AGBL4: variants seen among roughly 807,000 people sequenced by gnomAD.
The protein encoded by AGBL4 is cytosolic carboxypeptidase 6.
AGBL4 carries 58 observed loss-of-function variants against 66.4 expected under a neutral mutation model. The ratio of observed to expected loss-of-function variants is 0.87; its 90% CI spans 0.71 to 1.09. The LOEUF is 1.09. Among genes scored for constraint, AGBL4 ranks in the 50% least tolerant of loss-of-function variants. The pLI, the probability that AGBL4 is intolerant of heterozygous loss-of-function variation, is 0.00. For missense variants in AGBL4, 579 were observed against 631.0 expected, an observed-to-expected ratio of 0.92 and a Z score of 0.88; for synonymous variants, 234 against 222.9, an observed-to-expected ratio of 1.05 and a Z score of -0.44.
At chr1:49,345,048 C>T (rs1467002971) in intron 3 of AGBL4, among the ~76,000 whole-genome samples, 1 of 152,084 alleles carries the variant, frequency 6.6e-6, no homozygotes, top group Non-Finnish European at 1.5e-5. Flanking sequence ...CTTTTTCTGA[C>T]CTGATTAATC....
intron 5 of AGBL4, among the ~76,000 whole-genome samples, chr1:48,998,981 G>A (rs954959735): frequency 4.6e-5 from 7 of 152,184 alleles, no homozygotes; most frequent in Non-Finnish European, 8.8e-5. Context: ...CAGAACAGAT[G>A]CACAAGTAGG....
intron 6 of AGBL4, among the ~76,000 whole-genome samples, chr1:48,728,668 T>C (rs1173429272): frequency 2.0e-5 from 3 of 152,206 alleles, no homozygotes; most frequent in Admixed American, 1.3e-4. Flanking sequence ...CACATGCCTC[T>C]GGGGAAGACA....
At chr1:49,937,668 A>G (rs1001200783) in intron 1 of AGBL4, among the ~76,000 whole-genome samples, 2 of 152,262 alleles carry the variant, frequency 1.3e-5, no homozygotes, top group Admixed American at 1.3e-4. Context: ...ATCAAACTAG[A>G]ACGCAGGATT....
intron 6 of AGBL4, among the ~76,000 whole-genome samples, chr1:48,747,833 AT>A (rs1651006959): frequency 6.6e-6 from 1 of 152,110 alleles, no homozygotes; most frequent in South Asian, 2.1e-4. Context: ...GAAATCACCT[AT>A]TTTTTCAAAC....
intron 3 of AGBL4, among the ~76,000 whole-genome samples, chr1:49,362,253 C>G (rs558182976): frequency 6.6e-6 from 1 of 152,190 alleles, no homozygotes; most frequent in Admixed American, 6.5e-5. Flanking sequence ...GAACCCCACA[C>G]AACTAGTAGA....
chr1:49,934,897 G>A (rs373716492), intron 1 of AGBL4, among the ~76,000 whole-genome samples: 3 of 151,922 alleles, frequency 2.0e-5, no homozygotes, highest in Admixed American at 6.6e-5. Flanking sequence ...AGCTCCCAAC[G>A]TGAGCGATAC....
At chr1:49,373,401 T>C (rs1194229251) in intron 3 of AGBL4, among the ~76,000 whole-genome samples, 4 of 152,088 alleles carry the variant, frequency 2.6e-5, no homozygotes, top group Admixed American at 1.3e-4. Context: ...GCCCCTATAA[T>C]TTAAAACAAT....
chr1:48,875,066 T>C (rs4363465), intron 5 of AGBL4, among the ~76,000 whole-genome samples: 148,713 of 152,306 alleles, frequency 0.98, 72,691 homozygotes, highest in East Asian at 1. Flanking sequence ...ATGTGCCAGG[T>C]ATCTTGCTGG....
intron 6 of AGBL4, among the ~76,000 whole-genome samples, chr1:48,821,573 C>CA (rs1646314110): frequency 6.6e-6 from 1 of 152,036 alleles, no homozygotes; most frequent in South Asian, 2.1e-4. Flanking sequence ...ATGAAAATAA[C>CA]AGACACTGGG....
chr1:49,427,096 A>G (rs1645677811), intron 3 of AGBL4, among the ~76,000 whole-genome samples: 1 of 152,146 alleles, frequency 6.6e-6, no homozygotes, highest in Non-Finnish European at 1.5e-5. Context: ...AGGAAAAAGG[A>G]TGTAACAACA....
chr1:49,493,905 AC>A (rs1647294320), intron 3 of AGBL4, among the ~76,000 whole-genome samples: 1 of 152,028 alleles, frequency 6.6e-6, no homozygotes, highest in Non-Finnish European at 1.5e-5. Flanking sequence ...GGGTTTGTAT[AC>A]ATGCTACCAC....
At chr1:48,961,512 T>TTC (rs1657975398) in intron 5 of AGBL4, among the ~76,000 whole-genome samples, 1 of 152,096 alleles carries the variant, frequency 6.6e-6, no homozygotes, top group Non-Finnish European at 1.5e-5. Flanking sequence ...AAACTGTGTG[T>TTC]TGGCGCAGAA....
chr1:49,644,039 C>T (rs1645836183), intron 3 of AGBL4, among the ~76,000 whole-genome samples: 1 of 151,308 alleles, frequency 6.6e-6, no homozygotes, highest in Admixed American at 6.6e-5. Context: ...GAATATATGA[C>T]AAAAATAGCA....
intron 9 of AGBL4, among the ~76,000 whole-genome samples, chr1:48,593,234 A>C (rs1030962584): frequency 5.3e-5 from 8 of 152,214 alleles, no homozygotes; most frequent in Non-Finnish European, 1.2e-4. Context: ...AAGTGGTAGC[A>C]CCATAAACAC....
chr1:49,443,414 T>A (rs1646080973), intron 3 of AGBL4, among the ~76,000 whole-genome samples: 1 of 152,120 alleles, frequency 6.6e-6, no homozygotes, highest in African/African-American at 2.4e-5. Context: ...TACTTTTAAG[T>A]CTTTAAGCAA....
At chr1:49,738,911 C>T (rs1261275416) in intron 2 of AGBL4, among the ~76,000 whole-genome samples, 3 of 152,124 alleles carry the variant, frequency 2.0e-5, no homozygotes, top group Non-Finnish European at 2.9e-5. Flanking sequence ...CTGTACGTCA[C>T]CATCATCAAA....
At chr1:48,716,861 G>T (rs1203498464) in intron 6 of AGBL4, among the ~76,000 whole-genome samples, 1 of 152,184 alleles carries the variant, frequency 6.6e-6, no homozygotes, top group African/African-American at 2.4e-5. Flanking sequence ...AACTGTCCCT[G>T]CCTTCAATAA....
chr1:48,757,009 TTTA>T (rs1184125045), intron 6 of AGBL4, among the ~76,000 whole-genome samples: 1 of 152,172 alleles, frequency 6.6e-6, no homozygotes, highest in Non-Finnish European at 1.5e-5. Flanking sequence ...TTCTACATGT[TTTA>T]GGACTAAAAG....
Position 48,622,552 on chromosome 1 carries a change from C to T in AGBL4, c.951+11941G>A, listed in dbSNP as rs111405267. ...AGGCTGGAGTGCAATGGCACAATCT[C>T]GGCTCACTGCAACCTCTGCCTCCCG... On this transcript the variant is annotated intron_variant, in intron 9 of 13. Coordinates refer to ENST00000371839, the MANE Select transcript of AGBL4 (RefSeq NM_032785.4). Among the ~76,000 whole-genome samples, 273 of 139,972 alleles carry T rather than the reference C, an allele frequency of 2.0e-3. 2 individuals carry two copies. Among genetic ancestry groups the T allele is most frequent in the Admixed American group, 3.7e-3 (48 of 12,900 alleles). 91.8% of individuals were successfully genotyped at this position (139,972 alleles called of 152,430 possible).
Sources: allele counts gnomAD v4.1 joint callset (sites outside exome capture counted in the v4.1 genomes callset), GRCh38; gene constraint gnomAD v4.1.1; transcripts MANE v1.5; gene names NCBI Gene and HGNC (gene_info 2026-07-23, HGNC 2026-07-21).